Variants in GCNT2 observed in about 807,000 individuals in gnomAD.
GCNT2 encodes the protein glucosaminyl (N-acetyl) transferase 2 (I blood group).
In GCNT2, 34 loss-of-function variants were observed where a neutral mutation model predicts 34.2. The observed-to-expected ratio is 1.00, with a 90% CI of 0.76 to 1.32. The LOEUF (loss-of-function observed/expected upper bound fraction) is 1.32. GCNT2 is among the 40% of genes most tolerant of loss of function. GCNT2 has a pLI of 0.00. For missense variants in GCNT2, 584 were observed against 489.4 expected (o/e 1.19, Z -1.82); for synonymous variants, 212 against 188.0 (o/e 1.13, Z -1.04).
rs770940749 is a variant in GCNT2 at position 10,556,826 on chromosome 6, A to G, written c.925+26990A>G. 7.7e-5 allele frequency: 124 copies of G among 1,614,114 alleles called. No individual in the cohort carries two copies. Among genetic ancestry groups the G allele is most frequent in the Non-Finnish European group, 1.0e-4 (121 of 1,180,042 alleles). ...GGATGAAAAAGCAACAACTGAATTT[A>G]AAGATGCGGTAGAGCAACTATTAAG... On this transcript the variant is annotated intron_variant, in intron 3 of 4. Coordinates refer to ENST00000495262, the MANE Select transcript of GCNT2 (RefSeq NM_145649.5).
intron 3 of GCNT2, among the ~76,000 whole-genome samples, chr6:10,608,050 A>T (rs1265779482): frequency 6.6e-6 from 1 of 151,734 alleles, no homozygotes; most frequent in Non-Finnish European, 1.5e-5. Context: ...AATAGATTGA[A>T]ATGCTGAGTC....
At chr6:10,626,301 C>G (rs141356453) in intron 4 of GCNT2, 116 bp from the exon 5 acceptor site, 2 of 778,702 alleles carry the variant, frequency 2.6e-6, no homozygotes, top group African/African-American at 3.4e-5. Flanking sequence ...TCATTTGAAT[C>G]CTGTACCATT....
At position 10,529,233 on chromosome 6, in the gene GCNT2, G is replaced by A. The variant is rs746788246; in HGVS notation, c.322G>A (p.Gly108Ser). The change falls in exon 3 of 5, where the codon GGC becomes AGC. Residue 108 changes from glycine to serine, a missense_variant. Transcript: ENST00000495262. ...CACAGTGACCATCCACAAAGACTTC[G>A]GCACTTTTGAGAGGCTCTTCAGGGC... ...AYTVTIHKDF[G>S]TFERLFRAIY... is the part of the protein sequence containing the mutation. 9.9e-6 allele frequency: 16 copies of A among 1,614,016 alleles called. No homozygotes were observed. The highest frequency in any genetic ancestry group is 1.6e-4 in the Middle Eastern group (1 of 6,084).
At position 10,621,458 on chromosome 6, in the gene GCNT2, C is replaced by G. The variant is rs78667015; in HGVS notation, c.1018+15C>G. On this transcript the variant is annotated intron_variant, in intron 4 of 4. Coordinates refer to ENST00000495262, the MANE Select transcript of GCNT2 (RefSeq NM_145649.5). ...AGGCTGCCACGGTGAGGCTCTCGTT[C>G]CATGCTTCTAGGCCACTGCCTGTTG... The G allele has an allele frequency of 3.6e-5, 55 of 1,541,272 alleles. No individual in the cohort carries two copies. In the East Asian group the frequency reaches 1.1e-3, roughly 31 times the overall value.
intron 3 of GCNT2, among the ~76,000 whole-genome samples, chr6:10,620,554 C>T (rs917420905): frequency 4.6e-5 from 7 of 152,104 alleles, no homozygotes; most frequent in Admixed American, 2.6e-4. Flanking sequence ...ACTACAAGCA[C>T]GTGCCACCGC....
rs1017385743 is a variant in GCNT2, at chr6:10,620,922, G to A, written c.926-429G>A. On this transcript the variant is annotated intron_variant, in intron 3 of 4. Transcript: ENST00000495262. The stretch of plus-strand genomic sequence containing the variant: ...GTGCTATCGGCATCTATTGGGTAGA[G>A]GCCAAGGATGCTGCTAAACATCTTA... 2.6e-5 allele frequency among the ~76,000 whole-genome samples: 4 copies of A among 152,208 alleles called. No individual in the cohort carries two copies. The East Asian group carries it at 7.7e-4, about 29-fold the overall frequency.
At chr6:10,536,140 C>G (rs141346506) in intron 3 of GCNT2, among the ~76,000 whole-genome samples, 1 of 152,092 alleles carries the variant, frequency 6.6e-6, no homozygotes, top group Non-Finnish European at 1.5e-5. Context: ...TCAAGGTGGT[C>G]TTGGGAACTC....
At chr6:10,545,750 G>C (rs1030771433) in intron 3 of GCNT2, among the ~76,000 whole-genome samples, 1 of 152,106 alleles carries the variant, frequency 6.6e-6, no homozygotes, top group Admixed American at 6.6e-5. Context: ...TGTGAATCAG[G>C]CAAAAGCCAG....
chr6:10,571,449 T>G (rs1763551244), intron 3 of GCNT2, among the ~76,000 whole-genome samples: 1 of 152,114 alleles, frequency 6.6e-6, no homozygotes, highest in Non-Finnish European at 1.5e-5. Context: ...CCTCCCAGGT[T>G]CAAGCAATTC....
At chr6:10,567,197 C>T (rs183985444) in intron 3 of GCNT2, among the ~76,000 whole-genome samples, 1 of 152,274 alleles carries the variant, frequency 6.6e-6, no homozygotes, top group East Asian at 1.9e-4. Flanking sequence ...TGGTGACACA[C>T]ACCTGTATTC....
chr6:10,551,332 CCA>C (rs1240723367), intron 3 of GCNT2, among the ~76,000 whole-genome samples: 1 of 152,094 alleles, frequency 6.6e-6, no homozygotes, highest in African/African-American at 2.4e-5. Flanking sequence ...GATGGCAAGA[CCA>C]CCTCTGGACT....
intron 3 of GCNT2, among the ~76,000 whole-genome samples, chr6:10,599,032 T>C (rs768239249): frequency 6.6e-5 from 10 of 152,174 alleles, no homozygotes; most frequent in Admixed American, 1.3e-4. Context: ...ATGAACAATT[T>C]CCCCTTGTTA....
intron 3 of GCNT2, among the ~76,000 whole-genome samples, chr6:10,562,421 C>T (rs1763028184): frequency 6.6e-6 from 1 of 152,030 alleles, no homozygotes; most frequent in Non-Finnish European, 1.5e-5. Context: ...CTGCTTGGTC[C>T]AAATTCCCAT....
Position 10,529,421 on chromosome 6 carries a change from C to G in GCNT2, c.510C>G (p.Asp170Glu), listed in dbSNP as rs1333585561. Residue 170 changes from aspartate to glutamate, a missense_variant, in exon 3 of 5, where the codon GAC becomes GAG. Transcript: ENST00000495262. Reference protein sequence around the residue: ...VYGGISRLQADLNCLEDLVAS... With the variant: ...VYGGISRLQAELNCLEDLVAS... ...GGGGGATCTCCAGGCTCCAGGCTGA[C>G]CTGAACTGCCTGGAAGACCTTGTGG... The G allele has an allele frequency of 3.1e-6, 5 of 1,614,098 alleles. No individual in the cohort carries two copies. The Middle Eastern group carries it at 6.6e-4, about 213-fold the overall frequency.
In GCNT2 at chr6:10,540,002, C is replaced by T. The variant is rs114672986; in HGVS notation, c.925+10166C>T. Among the ~76,000 whole-genome samples, 826 of 151,756 alleles carry T rather than the reference C, an allele frequency of 5.4e-3. 8 individuals carry two copies. The highest frequency in any genetic ancestry group is 0.019 in the African/African-American group (778 of 41,382). On this transcript the variant is annotated intron_variant, in intron 3 of 4. Transcript: ENST00000495262. ...CTGAAGCAGGAGGATCGCTTGAGCA[C>T]GGGAGGTCGGGGCTACAGTGAGGGG... is the stretch of plus-strand genomic sequence containing the variant.
rs562648623 is a variant in GCNT2 at position 10,532,745 on chromosome 6, C to G, written c.925+2909C>G. On this transcript the variant is annotated intron_variant, in intron 3 of 4. Transcript: ENST00000495262. ...CAGCCTCGTGAGCCACCACATCGGG[C>G]AAGCCCTGCCAACTCTTTCCTGACC... Among the ~76,000 whole-genome samples the G allele has an allele frequency of 7.9e-4, 121 of 152,292 alleles. 2 individuals are homozygous for G. The highest frequency in any genetic ancestry group is 1.6e-3 in the Non-Finnish European group (107 of 68,030).
At chr6:10,600,979 A>AT in intron 3 of GCNT2, among the ~76,000 whole-genome samples, 1 of 152,122 alleles carries the variant, frequency 6.6e-6, no homozygotes, top group South Asian at 2.1e-4. Flanking sequence ...TTTTGTAGAG[A>AT]TGGGGTTTCG....
chr6:10,529,383 T>C lies in GCNT2; in HGVS notation c.472T>C (p.Ser158Pro). The C allele has an allele frequency of 6.2e-7, 1 of 1,613,306 alleles. No individual in the cohort carries two copies. The highest frequency in any genetic ancestry group is 2.2e-5 in the East Asian group (1 of 44,840). The change falls in exon 3 of 5, where the codon TCG becomes CCG. Residue 158 changes from serine (S) to proline (P), a missense_variant. Coordinates refer to ENST00000495262, the MANE Select transcript of GCNT2 (RefSeq NM_145649.5). ...TGCTTTTCTGGCTTCCAAGAAGGAG[T>C]CGGTTGTCTATGGGGGGATCTCCAG... ...PNAFLASKKE[S>P]VVYGGISRLQ...
At chr6:10,614,397 C>T (rs1158246331) in intron 3 of GCNT2, among the ~76,000 whole-genome samples, 2 of 151,976 alleles carry the variant, frequency 1.3e-5, no homozygotes, top group African/African-American at 4.8e-5. Flanking sequence ...GAGGCCAGGG[C>T]GAGTGGAGCA....
Sources: allele counts gnomAD v4.1 joint callset (sites outside exome capture counted in the v4.1 genomes callset), GRCh38; gene constraint gnomAD v4.1.1; transcripts MANE v1.5; gene names NCBI Gene and HGNC (gene_info 2026-07-23, HGNC 2026-07-21).